Variants in MSRA observed in about 807,000 individuals in gnomAD.
MSRA encodes methionine sulfoxide reductase A.
MSRA carries 54 observed loss-of-function variants against 31.3 expected under a neutral mutation model. The ratio of observed to expected loss-of-function variants is 1.73; its 90% confidence interval spans 1.39 to 2.17. The LOEUF is 2.17. Among genes scored for constraint, MSRA ranks in the 30% most tolerant of loss-of-function variants. MSRA has a pLI of 0.00. For missense variants in MSRA, 507 were observed against 300.9 expected (o/e 1.69, Z -5.07); for synonymous variants, 169 against 116.5 (o/e 1.45, Z -2.90).
intron 1 of MSRA, among the ~76,000 whole-genome samples, chr8:10,088,985 C>T (rs771003359): frequency 2.6e-5 from 4 of 151,738 alleles, no homozygotes; most frequent in African/African-American, 9.7e-5. Flanking sequence ...CCATGGGTTG[C>T]GGGTGGGGAG....
intron 1 of MSRA, among the ~76,000 whole-genome samples, chr8:10,077,247 G>A (rs1395339581): frequency 2.0e-5 from 3 of 152,186 alleles, no homozygotes; most frequent in Non-Finnish European, 4.4e-5. Context: ...GCGAGAGCCA[G>A]GCACCATGGC....
chr8:10,207,442 T>G (rs528164051), intron 1 of MSRA, among the ~76,000 whole-genome samples: 2 of 152,194 alleles, frequency 1.3e-5, no homozygotes, highest in African/African-American at 4.8e-5. Context: ...GTGTTCTGAT[T>G]GTTAGGAGTC....
At chr8:10,307,726 G>C (rs950670227) in intron 4 of MSRA, among the ~76,000 whole-genome samples, 5 of 152,200 alleles carry the variant, frequency 3.3e-5, no homozygotes, top group Non-Finnish European at 7.4e-5. Context: ...CCAGAGGACT[G>C]TGGTCTGGAA....
At chr8:10,127,697 T>C (rs1344824215) in intron 1 of MSRA, among the ~76,000 whole-genome samples, 1 of 152,216 alleles carries the variant, frequency 6.6e-6, no homozygotes, top group African/African-American at 2.4e-5. Flanking sequence ...TAAAAGAGAA[T>C]TGGGTTACCT....
chr8:10,363,584 A>T (rs975262984), intron 5 of MSRA, among the ~76,000 whole-genome samples: 6 of 152,102 alleles, frequency 3.9e-5, no homozygotes, highest in African/African-American at 7.2e-5. Context: ...TTAGGGCAGG[A>T]TCTACATCTG....
intron 4 of MSRA, among the ~76,000 whole-genome samples, chr8:10,302,023 T>A (rs1800876589): frequency 6.6e-6 from 1 of 152,226 alleles, no homozygotes; most frequent in Non-Finnish European, 1.5e-5. Flanking sequence ...TTTCTCTGAG[T>A]TTAGCCTTTC....
intron 5 of MSRA, among the ~76,000 whole-genome samples, chr8:10,390,216 C>T (rs746701085): frequency 3.3e-5 from 5 of 152,242 alleles, no homozygotes; most frequent in Admixed American, 2.6e-4. Flanking sequence ...AGGGTCTGCT[C>T]TGAGGGGATG....
At chr8:10,089,325 A>C (rs541704563) in intron 1 of MSRA, among the ~76,000 whole-genome samples, 4 of 152,170 alleles carry the variant, frequency 2.6e-5, no homozygotes, top group Non-Finnish European at 4.4e-5. Context: ...CAAACCTAAC[A>C]ATTGCCTCCT....
chr8:10,302,291 T>C (rs532386167), intron 4 of MSRA, among the ~76,000 whole-genome samples: 2 of 152,258 alleles, frequency 1.3e-5, no homozygotes, highest in Non-Finnish European at 2.9e-5. Flanking sequence ...TATTCAATAA[T>C]GAAGCAATTT....
Position 10,132,498 on chromosome 8 carries a change from A to G in MSRA, c.143-75335A>G, listed in dbSNP as rs567109820. Among the ~76,000 whole-genome samples, 3 of 152,268 alleles carry G rather than the reference A, an allele frequency of 2.0e-5. No homozygotes were observed. In the South Asian group the frequency reaches 6.2e-4, roughly 32 times the overall value. ...ACAGTTCTAGAGGCTGGGGAAGTCCAAGATCAAGGCACTGGCAGACTTGGG... is the reference window on the plus strand; with the variant it reads ...ACAGTTCTAGAGGCTGGGGAAGTCCGAGATCAAGGCACTGGCAGACTTGGG... On this transcript the variant is annotated intron_variant, in intron 1 of 5. Coordinates refer to ENST00000317173, the MANE Select transcript of MSRA (RefSeq NM_012331.5).
At chr8:10,190,308 A>G (rs1321488430) in intron 1 of MSRA, among the ~76,000 whole-genome samples, 3 of 152,174 alleles carry the variant, frequency 2.0e-5, no homozygotes, top group Non-Finnish European at 4.4e-5. Context: ...CCCTCCCCAC[A>G]GGGCACCAGA....
intron 3 of MSRA, among the ~76,000 whole-genome samples, chr8:10,293,081 G>C (rs550339551): frequency 2.0e-5 from 3 of 152,186 alleles, no homozygotes. Context: ...TTTCCTCTCA[G>C]TAAAATGGAC....
At chr8:10,154,189 C>T (rs1327515939) in intron 1 of MSRA, among the ~76,000 whole-genome samples, 3 of 152,262 alleles carry the variant, frequency 2.0e-5, no homozygotes, top group East Asian at 1.9e-4. Context: ...CAAACGCAGT[C>T]ACTGAATCTG....
At chr8:10,143,398 A>T (rs1406930497) in intron 1 of MSRA, among the ~76,000 whole-genome samples, 1 of 152,162 alleles carries the variant, frequency 6.6e-6, no homozygotes, top group East Asian at 1.9e-4. Flanking sequence ...CTGGTATGGC[A>T]TCCCAGTTTG....
chr8:10,216,695 A>G (rs1215388018), intron 2 of MSRA, among the ~76,000 whole-genome samples: 2 of 152,192 alleles, frequency 1.3e-5, no homozygotes, highest in Non-Finnish European at 2.9e-5. Flanking sequence ...TGACTGGCTT[A>G]TTCTACTTCG....
chr8:10,170,894 C>G (rs916666256), intron 1 of MSRA, among the ~76,000 whole-genome samples: 2 of 152,222 alleles, frequency 1.3e-5, no homozygotes, highest in African/African-American at 4.8e-5. Flanking sequence ...CTGATTTCTT[C>G]CTTTGCTATC....
At chr8:10,201,275 G>T (rs1808474375) in intron 1 of MSRA, among the ~76,000 whole-genome samples, 2 of 152,160 alleles carry the variant, frequency 1.3e-5, no homozygotes, top group South Asian at 4.2e-4. Context: ...CATGCGGTAT[G>T]GGTTGGGTTG....
At chr8:10,161,861 C>A (rs1035242348) in intron 1 of MSRA, among the ~76,000 whole-genome samples, 1 of 152,090 alleles carries the variant, frequency 6.6e-6, no homozygotes, top group Non-Finnish European at 1.5e-5. Context: ...GGGCAAGTCA[C>A]CCCATCTCTC....
chr8:10,075,332 A>T (rs1216644262), intron 1 of MSRA, among the ~76,000 whole-genome samples: 1 of 152,228 alleles, frequency 6.6e-6, no homozygotes, highest in East Asian at 1.9e-4. Context: ...AGTATAATTC[A>T]GGCCAATAGG....
Sources: allele counts gnomAD v4.1 joint callset (sites outside exome capture counted in the v4.1 genomes callset), GRCh38; gene constraint gnomAD v4.1.1; transcripts MANE v1.5; gene names NCBI Gene and HGNC (gene_info 2026-07-23, HGNC 2026-07-21).